Variants in JAK1 observed in about 807,000 individuals in gnomAD.
JAK1 encodes the protein Janus kinase 1, also known as tyrosine-protein kinase JAK1.
Under a neutral mutation model 136.6 loss-of-function variants are expected in JAK1, and 16 were observed. The ratio of observed to expected loss-of-function variants is 0.12; its 90% confidence interval spans 0.08 to 0.18. The LOEUF is 0.18. Among genes scored for constraint, JAK1 ranks in the 10% least tolerant of loss-of-function variants. JAK1 has a pLI of 1.00. For synonymous variants in JAK1, 492 were observed against 519.5 expected, an observed-to-expected ratio of 0.95 and a Z score of 0.72; for missense variants, 859 against 1,450.1, an observed-to-expected ratio of 0.59 and a Z score of 6.62.
chr1:64,956,740 A>C (rs12569186), intron 1 of JAK1, among the ~76,000 whole-genome samples: 83,048 of 152,046 alleles, frequency 0.55, 26,008 homozygotes, highest in Non-Finnish European at 0.72. Flanking sequence ...TAAGGAGCAG[A>C]GAGGAAGGAA....
At chr1:64,953,719 G>T (rs1295940950) in intron 1 of JAK1, among the ~76,000 whole-genome samples, 2 of 152,096 alleles carry the variant, frequency 1.3e-5, no homozygotes, top group African/African-American at 4.8e-5. Flanking sequence ...GAGTGAAGTG[G>T]CATCATCTCA....
At chr1:64,883,871 G>C (rs1440894153) in intron 2 of JAK1, among the ~76,000 whole-genome samples, 1 of 152,136 alleles carries the variant, frequency 6.6e-6, no homozygotes, top group Non-Finnish European at 1.5e-5. Context: ...AAATTCTGCT[G>C]CTGTTTCTAC....
chr1:64,849,170 T>C (rs1655429712), intron 12 of JAK1, among the ~76,000 whole-genome samples: 1 of 152,140 alleles, frequency 6.6e-6, no homozygotes, highest in Non-Finnish European at 1.5e-5. Flanking sequence ...GCTACTTGAG[T>C]TCATCCTCCA....
intron 2 of JAK1, chr1:64,973,209 G>GGA (rs1250749434): frequency 6.4e-5 from 9 of 140,218 alleles, no homozygotes; most frequent in African/African-American, 2.5e-4. Context: ...GAAAGGAAAA[G>GGA]AAAGAAAGAA....
At chr1:64,980,582 A>G (rs1367220776) in intron 2 of JAK1, among the ~76,000 whole-genome samples, 6 of 149,080 alleles carry the variant, frequency 4.0e-5, no homozygotes, top group Non-Finnish European at 7.4e-5. Context: ...CTTTTTTTAT[A>G]TATATATATA....
chr1:64,984,591 T>A lies in JAK1; in HGVS notation c.-78+59889A>T, dbSNP rs974262095. 50 of 398,372 alleles carry A rather than the reference T, an allele frequency of 1.3e-4. No individual in the cohort carries two copies. The highest frequency in any genetic ancestry group is 4.6e-4 in the Middle Eastern group (1 of 2,194). The allele number at this position is 398,372 out of a possible 1,614,324, so 24.7% of individuals were successfully genotyped here. A position where few individuals can be genotyped will look rare whatever the true frequency, so the allele number is the denominator to read the frequency against. On this transcript the variant is annotated intron_variant, in intron 2 of 25. Transcript: ENST00000671954. This position sits in a 1 kb window ranked among gnomAD's most constrained non-coding sequence, Gnocchi z 4.1. ...GGCTTTCCCTTGCTGGGAGGGAGGT[T>A]GAAGGAGGCATGATTTAGACATTGG...
intron 1 of JAK1, among the ~76,000 whole-genome samples, chr1:64,914,871 T>C (rs1645365487): frequency 5.3e-5 from 8 of 152,160 alleles, no homozygotes; most frequent in Admixed American, 3.9e-4. Context: ...GCCAAACACA[T>C]GGTATTTAAA....
chr1:64,859,091 T>C (rs1656131567), intron 9 of JAK1, among the ~76,000 whole-genome samples: 1 of 152,198 alleles, frequency 6.6e-6, no homozygotes, highest in Non-Finnish European at 1.5e-5. Flanking sequence ...TCTGTGAGCC[T>C]CTCAAGGCCA....
intron 1 of JAK1, among the ~76,000 whole-genome samples, chr1:65,056,974 CCTCTT>C: frequency 6.6e-6 from 1 of 151,676 alleles, no homozygotes; most frequent in Admixed American, 6.6e-5. Context: ...CTCCCTGGCC[CCTCTT>C]CTCTCTGTGG....
chr1:65,007,937 G>A (rs1000833214), intron 2 of JAK1, among the ~76,000 whole-genome samples: 23 of 151,848 alleles, frequency 1.5e-4, no homozygotes, highest in African/African-American at 5.6e-4. Flanking sequence ...GTAGAGACAG[G>A]TTTTACCATG....
At chr1:65,027,383 A>G (rs184414601) in intron 2 of JAK1, among the ~76,000 whole-genome samples, 12 of 152,172 alleles carry the variant, frequency 7.9e-5, no homozygotes, top group Admixed American at 5.9e-4. Context: ...CATCCTTGAC[A>G]TCACTGCCGA....
chr1:64,850,367 G>A (rs1403144902), intron 12 of JAK1, among the ~76,000 whole-genome samples: 1 of 152,228 alleles, frequency 6.6e-6, no homozygotes, highest in African/African-American at 2.4e-5. Context: ...ATGTCCTCTT[G>A]TTCCCTCCCT....
chr1:64,965,789 G>T (rs1317322832), intron 1 of JAK1, among the ~76,000 whole-genome samples: 2 of 151,358 alleles, frequency 1.3e-5, no homozygotes, highest in Non-Finnish European at 2.9e-5. Context: ...CCGAGTTCGC[G>T]GACGCCCAAC....
At chr1:64,886,751 TACACACACACAC>T (rs3838404) in intron 1 of JAK1, among the ~76,000 whole-genome samples, 17 of 138,944 alleles carry the variant, frequency 1.2e-4, no homozygotes, top group East Asian at 4.3e-4. Flanking sequence ...CAACCTTGTC[TACACACACACAC>T]ACACACACAC....
At chr1:64,964,223 G>A (rs1279475160) in intron 1 of JAK1, among the ~76,000 whole-genome samples, 1 of 152,124 alleles carries the variant, frequency 6.6e-6, no homozygotes, top group African/African-American at 2.4e-5. Flanking sequence ...TCACATCTCA[G>A]ACAATAAATC....
chr1:64,841,359 A>G lies in JAK1; in HGVS notation c.2555-20T>C, dbSNP rs1453762114. 1 of 1,613,062 alleles carries G rather than the reference A, an allele frequency of 6.2e-7. No homozygotes were observed. The highest frequency in any genetic ancestry group is 1.1e-5 in the South Asian group (1 of 91,054). ...CTGGATCTAACAGAAGAGAAAAGAA[A>G]ACAGAGTGAAAGGCAGTCGATTGCC... is the stretch of plus-strand genomic sequence containing the variant. On this transcript the variant is annotated intron_variant, in intron 18 of 24. Transcript: ENST00000342505.
chr1:65,046,813 GT>G (rs1051300468), intron 1 of JAK1, among the ~76,000 whole-genome samples: 2 of 150,576 alleles, frequency 1.3e-5, no homozygotes, highest in Non-Finnish European at 3.0e-5. Context: ...GTCTCCCAAA[GT>G]GCTGGGATTA....
At chr1:64,854,867 A>C (rs756957010) in intron 11 of JAK1, among the ~76,000 whole-genome samples, 11 of 151,622 alleles carry the variant, frequency 7.3e-5, no homozygotes, top group Non-Finnish European at 1.3e-4. Context: ...CTCTGTTTGC[A>C]CGTGCCGAGA....
At chr1:64,840,532 T>C (rs1414953667) in intron 19 of JAK1, among the ~76,000 whole-genome samples, 2 of 152,190 alleles carry the variant, frequency 1.3e-5, no homozygotes, top group Non-Finnish European at 2.9e-5. Flanking sequence ...AATAAACCTA[T>C]CCCTGCTCTA....
Sources: allele counts gnomAD v4.1 joint callset (sites outside exome capture counted in the v4.1 genomes callset), GRCh38; gene constraint gnomAD v4.1.1; non-coding constraint Gnocchi (gnomAD v3.1); transcripts MANE v1.5; gene names NCBI Gene and HGNC (gene_info 2026-07-23, HGNC 2026-07-21).